PLCH1: variants seen among roughly 807,000 people sequenced by gnomAD.
PLCH1 encodes phospholipase C eta 1, also known as 1-phosphatidylinositol 4,5-bisphosphate phosphodiesterase eta-1.
In PLCH1, 60 loss-of-function variants were observed where a neutral mutation model predicts 126.7. The ratio of observed to expected loss-of-function variants is 0.47; its 90% CI spans 0.38 to 0.59. The LOEUF is 0.59. PLCH1 is among the 20% of genes least tolerant of loss of function. The pLI is 0.00. For synonymous variants in PLCH1, 719 were observed against 734.9 expected (o/e 0.98, Z 0.35); for missense variants, 1,723 against 2,040.0 (o/e 0.84, Z 2.99).
At chr3:155,729,861 T>A (rs963537628) in intron 1 of PLCH1, among the ~76,000 whole-genome samples, 2 of 150,702 alleles carry the variant, frequency 1.3e-5, no homozygotes, top group African/African-American at 4.9e-5. Flanking sequence ...GAGGCAGAGG[T>A]TGCAGTGAGC....
chr3:155,502,256 G>A (rs1392319916), intron 13 of PLCH1, among the ~76,000 whole-genome samples: 2 of 151,952 alleles, frequency 1.3e-5, no homozygotes, highest in African/African-American at 2.4e-5. Context: ...AGTGTGGCAA[G>A]AACATCTATT....
chr3:155,579,524 T>G (rs190374465), intron 6 of PLCH1, among the ~76,000 whole-genome samples: 1 of 152,330 alleles, frequency 6.6e-6, no homozygotes, highest in African/African-American at 2.4e-5. Context: ...TCACTCCTAT[T>G]CCACCACACA....
chr3:155,591,105 C>A (rs1196545538), intron 4 of PLCH1, among the ~76,000 whole-genome samples: 1 of 152,198 alleles, frequency 6.6e-6, no homozygotes, highest in African/African-American at 2.4e-5. Context: ...TTATGCCCAT[C>A]TCTAACTCAT....
chr3:155,716,990 AC>A (rs1334988554), intron 1 of PLCH1, among the ~76,000 whole-genome samples: 1 of 152,252 alleles, frequency 6.6e-6, no homozygotes, highest in Non-Finnish European at 1.5e-5. Flanking sequence ...CAGGGGTGGT[AC>A]CAGCATTAAG....
chr3:155,522,710 CTTTTT>C (rs76460443), intron 11 of PLCH1, among the ~76,000 whole-genome samples: 6 of 140,876 alleles, frequency 4.3e-5, no homozygotes, highest in Non-Finnish European at 6.2e-5. Flanking sequence ...ATTTCTCTCT[CTTTTT>C]TTTTTTTTTT....
At chr3:155,671,172 G>A (rs1324978511) in intron 2 of PLCH1, among the ~76,000 whole-genome samples, 2 of 152,194 alleles carry the variant, frequency 1.3e-5, no homozygotes, top group African/African-American at 4.8e-5. Flanking sequence ...ACCAGTTACA[G>A]CTGACCTAGA....
chr3:155,469,229 C>A (rs112962744), intron 21 of PLCH1, among the ~76,000 whole-genome samples: 1 of 152,032 alleles, frequency 6.6e-6, no homozygotes, highest in East Asian at 1.9e-4. Context: ...GCACCGTGTG[C>A]GAGCCGAAGC....
Position 155,481,181 on chromosome 3 carries a change from G to C in PLCH1, c.4845C>G (p.Thr1615=), listed in dbSNP as rs770975208. Residue 1615 remains threonine, a synonymous_variant, in exon 23 of 23, where the codon ACC becomes ACG. Transcript: ENST00000460012. The surrounding 1 kb of genome is among the most constrained non-coding windows in gnomAD (Gnocchi z 4.2). ...CGGTGGAGTGGCGATTCACTGCAGGGGTGGGTGCTGAGGGTTTGTTTCTAA... is the reference window on the plus strand; with the variant it reads ...CGGTGGAGTGGCGATTCACTGCAGGCGTGGGTGCTGAGGGTTTGTTTCTAA... ...VVLRNKPSAP[T]PAVNRHSTGS... The C allele has an allele frequency of 6.2e-7, 1 of 1,614,210 alleles. No individual in the cohort carries two copies. The highest frequency in any genetic ancestry group is 1.1e-5 in the South Asian group (1 of 91,084).
Position 155,482,504 on chromosome 3 carries a change from G to GT in PLCH1, c.3521dup (p.Asp1174GlufsTer8). On this transcript the variant is annotated frameshift_variant, in exon 23 of 23. Transcript: ENST00000460012. LOFTEE classifies it low-confidence loss of function (END_TRUNC). ...CATTCTCATTTGTTAAAGTGACATT[G>GT]TCAATAAGATGGGAAATTACACTCT... 6.2e-7 allele frequency: 1 copy of GT among 1,614,140 alleles called. No individual in the cohort carries two copies.
chr3:155,487,507 T>G (rs1047710576), intron 21 of PLCH1, among the ~76,000 whole-genome samples: 5 of 152,226 alleles, frequency 3.3e-5, no homozygotes, highest in African/African-American at 1.2e-4. Flanking sequence ...AGAATGCATT[T>G]ACATGGTCGC....
At chr3:155,477,897 T>C (rs548509179), downstream of PLCH1, among the ~76,000 whole-genome samples, 2 of 152,258 alleles carry the variant, frequency 1.3e-5, no homozygotes, top group East Asian at 3.9e-4. Flanking sequence ...CACTTCTAGG[T>C]ATATACCCAA....
rs1330468614 is a variant in PLCH1 at position 155,482,972 on chromosome 3, T to G, written c.3054A>C (p.Ser1018=). 1.9e-6 allele frequency: 3 copies of G among 1,614,030 alleles called. No homozygotes were observed. The highest frequency in any genetic ancestry group is 2.5e-6 in the Non-Finnish European group (3 of 1,179,888). Residue 1018 remains serine (S), a synonymous_variant, in exon 23 of 23, where the codon TCA becomes TCC. Coordinates refer to ENST00000460012, the MANE Select transcript of PLCH1 (RefSeq NM_014996.4). ...PHFLNFNKKL[S]SSSSALLHKD... ...TGTGGAGCAGAGCACTGGAGGAGGA[T>G]GATAACTTTTTGTTGAAATTTAGAA...
chr3:155,501,824 T>G (rs1438569338), intron 13 of PLCH1, among the ~76,000 whole-genome samples: 1 of 152,108 alleles, frequency 6.6e-6, no homozygotes, highest in East Asian at 1.9e-4. Flanking sequence ...ATACAAATGA[T>G]GGGGAAGGAC....
Position 155,549,883 on chromosome 3 carries a change from T to C in PLCH1, c.1266A>G (p.Gly422=). 6.2e-7 allele frequency: 1 copy of C among 1,613,560 alleles called. No individual in the cohort carries two copies. The highest frequency in any genetic ancestry group is 1.7e-5 in the Admixed American group (1 of 60,002). The part of the protein sequence containing the change: ...QQRKIAQYLK[G]IFGDKLDLSS... ...ACAGGTCCAGTTTGTCTCCGAATAT[T>C]CCTTTCAGGTACTGAGCAATCTTCC... Residue 422 remains glycine (G), a synonymous_variant, in exon 10 of 23, where the codon GGA becomes GGG. Coordinates refer to ENST00000460012, the MANE Select transcript of PLCH1 (RefSeq NM_014996.4).
Position 155,487,962 on chromosome 3 carries a change from T to C in PLCH1, c.2619+66A>G, listed in dbSNP as rs1313481707. ...CAAAATTTACATTCCTATTATGCAA[T>C]TAATCAGTAGCATTGTTAAGGACCA... On this transcript the variant is annotated intron_variant, in intron 21 of 22. Transcript: ENST00000460012. The C allele has an allele frequency of 5.3e-5, 53 of 1,009,252 alleles. No individual in the cohort carries two copies. The Admixed American group carries it at 9.9e-4, about 19-fold the overall frequency. 62.5% of individuals were successfully genotyped at this position (1,009,252 alleles called of 1,614,324 possible).
In PLCH1 at chr3:155,725,288, G is replaced by A. The variant is rs556281958; in HGVS notation, c.-41+19552C>T. On this transcript the variant is annotated intron_variant, in intron 1 of 22. Coordinates refer to ENST00000460012, the MANE Select transcript of PLCH1 (RefSeq NM_014996.4). ...GTATTTTATCTTTCTGATAAGTTGA[G>A]ACTTTTTAACCAATTGACCCTCTTT... Among the ~76,000 whole-genome samples the A allele has an allele frequency of 4.6e-5, 7 of 152,150 alleles. No individual in the cohort carries two copies. The South Asian group carries it at 1.5e-3, about 32-fold the overall frequency.
In PLCH1 at chr3:155,483,013, T is replaced by C. The variant is rs1474826315; in HGVS notation, c.3013A>G (p.Ile1005Val). 8.1e-6 allele frequency: 13 copies of C among 1,613,810 alleles called. No homozygotes were observed. The South Asian group carries it at 1.3e-4, about 16-fold the overall frequency. Reference sequence around the variant, plus strand: ...AAATTTAGAAAATGTGGATCTTTTATACTTGCTTTCCCTTTTCTTCTGCCA... The same window carrying C: ...AAATTTAGAAAATGTGGATCTTTTACACTTGCTTTCCCTTTTCTTCTGCCA... ...KDGRRKGKASIKDPHFLNFNK... is the reference protein window; with the variant it reads ...KDGRRKGKASVKDPHFLNFNK... Residue 1005 changes from isoleucine to valine, a missense_variant, in exon 23 of 23, where the codon ATA (isoleucine) becomes GTA (valine). Transcript: ENST00000460012.
intron 21 of PLCH1, among the ~76,000 whole-genome samples, chr3:155,459,624 A>G (rs923316321): frequency 3.9e-5 from 6 of 152,160 alleles, no homozygotes; most frequent in African/African-American, 1.4e-4. Context: ...AAGACACTGA[A>G]TCCCCCAGCT....
intron 2 of PLCH1, among the ~76,000 whole-genome samples, chr3:155,601,917 G>T (rs1733789307): frequency 6.6e-6 from 1 of 152,044 alleles, no homozygotes; most frequent in Non-Finnish European, 1.5e-5. Flanking sequence ...GCCCTTCCTG[G>T]ATAGTTCATG....
Sources: gnomAD v4.1 joint callset for allele counts (sites outside exome capture counted in the v4.1 genomes callset) on GRCh38, gnomAD v4.1.1 for gene constraint, Gnocchi (gnomAD v3.1) non-coding constraint, MANE v1.5 for transcripts, NCBI Gene and HGNC (gene_info 2026-07-23, HGNC 2026-07-21) for gene names.